WWTR1: variants seen among roughly 807,000 people sequenced by gnomAD.
The protein encoded by WWTR1 is WW domain containing transcription regulator 1.
WWTR1 carries 13 observed loss-of-function variants against 40.1 expected under a neutral mutation model. That is an observed-to-expected ratio of 0.32 (90% CI 0.21 to 0.52). WWTR1 has a LOEUF of 0.52. Ranked by LOEUF, WWTR1 falls within the 20% of genes least tolerant of loss-of-function variation. WWTR1 has a pLI of 0.97. For missense variants in WWTR1, 436 were observed against 523.1 expected, an observed-to-expected ratio of 0.83 and a Z score of 1.63; for synonymous variants, 230 against 210.1, an observed-to-expected ratio of 1.09 and a Z score of -0.82.
intron 2 of WWTR1, among the ~76,000 whole-genome samples, chr3:149,666,363 T>C (rs1025228851): frequency 6.6e-6 from 1 of 152,214 alleles, no homozygotes; most frequent in Non-Finnish European, 1.5e-5. Context: ...CCAGTGCCTG[T>C]GGGCACCAGT....
chr3:149,525,967 TA>T (rs1301856527), intron 6 of WWTR1, 45 bp downstream of exon 6: 2 of 1,166,542 alleles, frequency 1.7e-6, no homozygotes, highest in Admixed American at 2.6e-5. Context: ...AGAGATCATT[TA>T]AAAAACACAA....
In WWTR1 at chr3:149,654,510, T is replaced by G. The variant is rs908078522; in HGVS notation, c.431+2366A>C. 2.6e-5 allele frequency among the ~76,000 whole-genome samples: 4 copies of G among 152,126 alleles called. No individual in the cohort carries two copies. The East Asian group carries it at 7.7e-4, about 29-fold the overall frequency. ...TTTTCATTGACTACCCAAAGTGAAA[T>G]GAAGATGCACTCTGCTTTGGATTGG... On this transcript the variant is annotated intron_variant, in intron 2 of 6. Transcript: ENST00000360632.
At chr3:149,660,884 C>A (rs1239892237), upstream of WWTR1, among the ~76,000 whole-genome samples, 1 of 152,236 alleles carries the variant, frequency 6.6e-6, no homozygotes, top group Admixed American at 6.5e-5. Context: ...TACTCATTTA[C>A]AAATTGGAAA....
intron 2 of WWTR1, among the ~76,000 whole-genome samples, chr3:149,666,569 A>C (rs1043462168): frequency 7.9e-5 from 12 of 152,214 alleles, no homozygotes; most frequent in African/African-American, 2.7e-4. Flanking sequence ...TGGCAATAAT[A>C]ATAAATCATA....
intron 3 of WWTR1, among the ~76,000 whole-genome samples, chr3:149,546,216 T>C (rs1457199655): frequency 1.3e-5 from 2 of 152,240 alleles, no homozygotes; most frequent in East Asian, 3.8e-4. Context: ...CTCTCATTAT[T>C]AACTGTAGAG....
chr3:149,529,983 C>T (rs191279707), intron 4 of WWTR1, among the ~76,000 whole-genome samples: 42 of 152,284 alleles, frequency 2.8e-4, no homozygotes, highest in Non-Finnish European at 5.1e-4. Flanking sequence ...AACAAATACA[C>T]TTTTAATTTA....
At chr3:149,672,399 T>C (rs1479398896) in intron 1 of WWTR1, among the ~76,000 whole-genome samples, 1 of 152,160 alleles carries the variant, frequency 6.6e-6, no homozygotes, top group Admixed American at 6.5e-5. Context: ...CATGACTACA[T>C]GTTACAGCAA....
intron 5 of WWTR1, among the ~76,000 whole-genome samples, chr3:149,716,532 CTG>C: frequency 6.6e-6 from 1 of 152,086 alleles, no homozygotes; most frequent in Non-Finnish European, 1.5e-5. Context: ...TCTGAATATA[CTG>C]TGATTGAGGG....
At chr3:149,537,078 G>T (rs2107927492) in intron 4 of WWTR1, among the ~76,000 whole-genome samples, 1 of 152,288 alleles carries the variant, frequency 6.6e-6, no homozygotes, top group East Asian at 1.9e-4. Flanking sequence ...TCTGACCTGT[G>T]ACTACGATTT....
intron 2 of WWTR1, among the ~76,000 whole-genome samples, chr3:149,640,781 A>C (rs1002459311): frequency 1.3e-5 from 2 of 152,146 alleles, no homozygotes; most frequent in African/African-American, 4.8e-5. Context: ...CAGATAATAA[A>C]TATATTATTT....
chr3:149,549,908 T>C (rs1736539791), intron 3 of WWTR1, among the ~76,000 whole-genome samples: 1 of 152,076 alleles, frequency 6.6e-6, no homozygotes, highest in Admixed American at 6.6e-5. Context: ...TATGGGACTC[T>C]GGAACAGAAA....
At chr3:149,646,092 A>AATGAAAGGT in intron 2 of WWTR1, among the ~76,000 whole-genome samples, 1 of 152,358 alleles carries the variant, frequency 6.6e-6, no homozygotes, top group African/African-American at 2.4e-5. Context: ...TTATTAAGTT[A>AATGAAAGGT]ATGAAAGGTA....
intron 2 of WWTR1, among the ~76,000 whole-genome samples, chr3:149,663,257 A>G (rs1170737087): frequency 6.6e-6 from 1 of 151,272 alleles, no homozygotes; most frequent in Admixed American, 6.6e-5. Flanking sequence ...ATCTCAGGTG[A>G]TCCACCCACC....
At chr3:149,596,130 T>C (rs1326344731) in intron 2 of WWTR1, among the ~76,000 whole-genome samples, 1 of 152,196 alleles carries the variant, frequency 6.6e-6, no homozygotes, top group Non-Finnish European at 1.5e-5. Context: ...TCAAAATTCT[T>C]TGTACATAAA....
chr3:149,566,812 G>GAA (rs1166961307), intron 3 of WWTR1, among the ~76,000 whole-genome samples: 16 of 109,120 alleles, frequency 1.5e-4, no homozygotes, highest in African/African-American at 2.2e-4. Flanking sequence ...GCCCTGAAAA[G>GAA]AAAAAAAAAA....
intron 2 of WWTR1, among the ~76,000 whole-genome samples, chr3:149,653,152 A>T (rs937984348): frequency 2.6e-5 from 4 of 152,268 alleles, no homozygotes; most frequent in African/African-American, 9.6e-5. Flanking sequence ...AGATTTTTAC[A>T]AGAATGTTTG....
upstream of WWTR1, among the ~76,000 whole-genome samples, chr3:149,707,877 G>T (rs551590467): frequency 1.2e-4 from 18 of 149,270 alleles, no homozygotes; most frequent in South Asian, 3.8e-3. Flanking sequence ...ATACCAATTG[G>T]TATGGCCAAC....
chr3:149,549,926 T>A (rs1224101545), intron 3 of WWTR1, among the ~76,000 whole-genome samples: 1 of 152,064 alleles, frequency 6.6e-6, no homozygotes, highest in East Asian at 2.0e-4. Context: ...AAAAAGATAT[T>A]AGATAAAAAC....
At chr3:149,522,928 TGG>T (rs1735125008) in intron 6 of WWTR1, among the ~76,000 whole-genome samples, 1 of 151,788 alleles carries the variant, frequency 6.6e-6, no homozygotes, top group South Asian at 2.1e-4. Flanking sequence ...GTGCCAGGCA[TGG>T]TGGCGCACCC....
Sources: gnomAD v4.1 joint callset for allele counts (sites outside exome capture counted in the v4.1 genomes callset) on GRCh38, gnomAD v4.1.1 for gene constraint, MANE v1.5 for transcripts, NCBI Gene and HGNC (gene_info 2026-07-23, HGNC 2026-07-21) for gene names.